DPP8: variants seen among roughly 807,000 people sequenced by gnomAD.
DPP8 encodes the protein dipeptidyl peptidase 8.
Under a neutral mutation model 107.5 loss-of-function variants are expected in DPP8, and 31 were observed. That is an observed-to-expected ratio of 0.29 (90% CI 0.22 to 0.39). The LOEUF (loss-of-function observed/expected upper bound fraction) is 0.39, where lower values mean the gene tolerates loss of function less well. DPP8 is among the 10% of genes least tolerant of loss of function. The pLI is 1.00. For synonymous variants in DPP8, 381 were observed against 356.6 expected (o/e 1.07, Z -0.77); for missense variants, 842 against 1,076.1 (o/e 0.78, Z 3.04).
intron 17 of DPP8, among the ~76,000 whole-genome samples, chr15:65,452,671 C>G (rs1461341992): frequency 6.6e-6 from 1 of 151,836 alleles, no homozygotes; most frequent in Non-Finnish European, 1.5e-5. Flanking sequence ...TGTTTTTGTT[C>G]TTAAAAATAA....
intron 12 of DPP8, among the ~76,000 whole-genome samples, chr15:65,469,704 T>C (rs1040466844): frequency 1.4e-5 from 2 of 146,752 alleles, no homozygotes; most frequent in African/African-American, 2.5e-5. Context: ...AGTGTGGTAG[T>C]GGATGCCCAT....
At chr15:65,448,723 T>A (rs1207583232) in intron 19 of DPP8, among the ~76,000 whole-genome samples, 2 of 121,380 alleles carry the variant, frequency 1.6e-5, no homozygotes, top group African/African-American at 3.6e-5. Flanking sequence ...CATATATATA[T>A]AAAATATACA....
At chr15:65,459,115 C>T (rs1297071200) in intron 15 of DPP8, 2 of 151,774 alleles carry the variant, frequency 1.3e-5, no homozygotes, top group Non-Finnish European at 2.9e-5. Flanking sequence ...AACTAATCCT[C>T]CCACCTCGGC....
chr15:65,479,088 A>G (rs2140712548), intron 10 of DPP8, 49 bp from the exon 11 acceptor site: 1 of 1,305,102 alleles, frequency 7.7e-7, no homozygotes, highest in Non-Finnish European at 1.0e-6. Context: ...AAAATACTAC[A>G]TAATTCAATT....
In DPP8 at chr15:65,507,251, G is replaced by A. The variant is rs1369426161; in HGVS notation, c.364C>T (p.Leu122Phe). 5 of 1,590,550 alleles carry A rather than the reference G, an allele frequency of 3.1e-6. No individual in the cohort carries two copies. In the African/African-American group the frequency reaches 6.8e-5, roughly 22 times the overall value. ...LMLSWKPLLD[L>F]FQATLDYGMY... The stretch of plus-strand genomic sequence containing the variant: ...ACAACATTTAATCCTACCTGAAAAA[G>A]ATCCAAAAGAGGCTTCCAAGAGAGC... The change falls in exon 3 of 20, where the codon CTT becomes TTT. Residue 122 changes from leucine to phenylalanine, a missense_variant. By Grantham distance (22) the Leu-to-Phe change is conservative. Transcript: ENST00000300141.
chr15:65,454,576 G>A (rs1196917518), intron 16 of DPP8, among the ~76,000 whole-genome samples, 161 bp from the exon 17 acceptor site: 6 of 152,108 alleles, frequency 3.9e-5, no homozygotes, highest in African/African-American at 1.4e-4. Flanking sequence ...ACCCAGGCTG[G>A]AGTGCAATGA....
intron 2 of DPP8, among the ~76,000 whole-genome samples, chr15:65,509,040 A>C (rs1002971526): frequency 6.6e-6 from 1 of 152,204 alleles, no homozygotes; most frequent in African/African-American, 2.4e-5. Context: ...AACCCTTGCA[A>C]ATGTTGAGGA....
At position 65,445,309 on chromosome 15, in the gene DPP8, T is replaced by G. The variant is rs748910400; in HGVS notation, c.*1575A>C. ...AATATAGCAAATTTTCTTGGAGTGT[T>G]GTTTAAAAGTATTGGTAATAACTTT... On this transcript the variant is annotated 3_prime_UTR_variant, in exon 20 of 20. Coordinates refer to ENST00000300141, the MANE Select transcript of DPP8 (RefSeq NM_130434.5). 6.6e-6 allele frequency: 1 copy of G among 152,338 alleles called. No homozygotes were observed. The highest frequency in any genetic ancestry group is 2.1e-4 in the South Asian group (1 of 4,826). The allele number at this position is 152,338 out of a possible 1,614,324, so 9.4% of individuals were successfully genotyped here. A position where few individuals can be genotyped will look rare whatever the true frequency, so the allele number is the denominator to read the frequency against.
intron 17 of DPP8, 151 bp from the exon 18 acceptor site, chr15:65,452,253 G>A (rs559267654): frequency 9.0e-5 from 71 of 787,022 alleles, no homozygotes; most frequent in South Asian, 7.0e-4. Context: ...CTCAGAATAC[G>A]AAGTGAAGCG....
intron 5 of DPP8, among the ~76,000 whole-genome samples, chr15:65,490,582 G>A (rs1053415819): frequency 2.6e-5 from 4 of 152,090 alleles, no homozygotes; most frequent in Admixed American, 2.6e-4. Flanking sequence ...ACAAAGCCTG[G>A]ACCACAGTAC....
Position 65,486,292 on chromosome 15 carries a change from C to CAGGTGTGGCGGCGGGCGCCTGTAA in DPP8, c.956-1133_956-1132insTTACAGGCGCCCGCCGCCACACCT, listed in dbSNP as rs1430966853. 1.3e-5 allele frequency among the ~76,000 whole-genome samples: 2 copies of CAGGTGTGGCGGCGGGCGCCTGTAA among 151,486 alleles called. 1 individual carries two copies. The highest frequency in any genetic ancestry group is 3.9e-4 in the East Asian group (2 of 5,180). On this transcript the variant is annotated intron_variant, in intron 7 of 19. Coordinates refer to ENST00000300141, the MANE Select transcript of DPP8 (RefSeq NM_130434.5). ...CGGCGGGCGCCTGTAATCCCAGCTA[C>CAGGTGTGGCGGCGGGCGCCTGTAA]TCGGGAGGCTGAGGCAGGAGAATCA...
chr15:65,466,962 C>T, intron 13 of DPP8, 109 bp downstream of exon 13: 1 of 1,460,244 alleles, frequency 6.8e-7, no homozygotes, highest in Non-Finnish European at 9.3e-7. Flanking sequence ...TAAAGCTTTT[C>T]CTTAGAGAAT....
At chr15:65,491,416 T>C (rs1403225066) in intron 5 of DPP8, among the ~76,000 whole-genome samples, 2 of 152,202 alleles carry the variant, frequency 1.3e-5, no homozygotes, top group African/African-American at 2.4e-5. Context: ...TATACTTGTA[T>C]GACCACATCC....
chr15:65,477,008 A>G (rs1595957523), intron 11 of DPP8, among the ~76,000 whole-genome samples: 1 of 152,204 alleles, frequency 6.6e-6, no homozygotes, highest in East Asian at 1.9e-4. Context: ...ACAGAGACAA[A>G]GTGGCTGCCA....
intron 5 of DPP8, among the ~76,000 whole-genome samples, chr15:65,496,279 G>A (rs879459028): frequency 2.0e-4 from 31 of 152,074 alleles, no homozygotes; most frequent in African/African-American, 7.2e-4. Context: ...CGTGGCGGCT[G>A]GCCTGTAATT....
intron 11 of DPP8, chr15:65,475,642 C>G (rs1028453583): frequency 2.4e-5 from 19 of 794,636 alleles, no homozygotes; most frequent in Non-Finnish European, 3.6e-5. Flanking sequence ...AGAAATGCAA[C>G]AAACTACTTT....
At chr15:65,453,430 T>TAC (rs1268965840) in intron 17 of DPP8, among the ~76,000 whole-genome samples, 23 of 151,256 alleles carry the variant, frequency 1.5e-4, no homozygotes, top group African/African-American at 4.9e-4. Flanking sequence ...AAAAGAAAAA[T>TAC]ATACACACAC....
chr15:65,466,864 T>A, intron 13 of DPP8, 51 bp from the exon 14 acceptor site: 1 of 1,567,024 alleles, frequency 6.4e-7, no homozygotes, highest in Non-Finnish European at 8.7e-7. Flanking sequence ...TAGAAAAGGT[T>A]ATCTGCTGTT....
chr15:65,509,253 CA>C (rs1398171629), intron 2 of DPP8, among the ~76,000 whole-genome samples: 1 of 152,130 alleles, frequency 6.6e-6, no homozygotes, highest in Admixed American at 6.6e-5. Flanking sequence ...CACAATTTTA[CA>C]AAATGTGATC....
Sources: allele counts gnomAD v4.1 joint callset (sites outside exome capture counted in the v4.1 genomes callset), GRCh38; gene constraint gnomAD v4.1.1; transcripts MANE v1.5; gene names NCBI Gene and HGNC (gene_info 2026-07-23, HGNC 2026-07-21).